PAX5: variants seen among roughly 807,000 people sequenced by gnomAD.
PAX5 encodes paired box protein Pax-5.
A neutral mutation model predicts 43.7 loss-of-function variants in PAX5; 9 were observed. That is an observed-to-expected ratio of 0.21 (90% CI 0.12 to 0.36). The LOEUF is 0.36. Ranked by LOEUF, PAX5 falls within the 10% of genes least tolerant of loss-of-function variation. The pLI is 1.00. For missense variants in PAX5, 383 were observed against 532.7 expected (o/e 0.72, Z 2.77); for synonymous variants, 228 against 214.3 (o/e 1.06, Z -0.56).
At chr9:36,873,888 A>T (rs566831275) in intron 8 of PAX5, among the ~76,000 whole-genome samples, 2 of 152,226 alleles carry the variant, frequency 1.3e-5, no homozygotes, top group East Asian at 3.8e-4. Flanking sequence ...GGAACTGGGC[A>T]GTATATATTT....
chr9:37,029,071 G>A (rs567022494), intron 1 of PAX5, among the ~76,000 whole-genome samples: 3 of 152,330 alleles, frequency 2.0e-5, no homozygotes, highest in East Asian at 1.9e-4. Flanking sequence ...CATGGGAGTG[G>A]TCCGAAGACT....
chr9:36,953,085 T>C (rs1410079773), intron 6 of PAX5, among the ~76,000 whole-genome samples: 1 of 152,200 alleles, frequency 6.6e-6, no homozygotes, highest in East Asian at 1.9e-4. Flanking sequence ...ATTTTTTCCT[T>C]CACTTTTGAA....
intron 7 of PAX5, among the ~76,000 whole-genome samples, chr9:36,884,673 C>T (rs991078874): frequency 2.6e-5 from 4 of 152,150 alleles, no homozygotes; most frequent in African/African-American, 9.7e-5. Flanking sequence ...GAGGAATAAG[C>T]ACTGGGGGGC....
At chr9:36,872,405 C>T (rs1825570718) in intron 8 of PAX5, among the ~76,000 whole-genome samples, 1 of 152,174 alleles carries the variant, frequency 6.6e-6, no homozygotes, top group African/African-American at 2.4e-5. Flanking sequence ...GACTTAGAAA[C>T]CTTGAATGGC....
intron 3 of PAX5, among the ~76,000 whole-genome samples, chr9:37,012,305 C>T (rs1215712698): frequency 1.3e-5 from 2 of 152,200 alleles, no homozygotes; most frequent in African/African-American, 4.8e-5. Flanking sequence ...ACTAGCCCTC[C>T]TTTTACCGTT....
chr9:36,928,665 T>G (rs10758417), intron 6 of PAX5, among the ~76,000 whole-genome samples: 81,116 of 151,882 alleles, frequency 0.53, 21,758 homozygotes, highest in East Asian at 0.74. Flanking sequence ...AACATCCCCT[T>G]CCCTCCTTCC....
intron 8 of PAX5, among the ~76,000 whole-genome samples, chr9:36,860,193 C>G (rs963737476): frequency 1.3e-5 from 2 of 151,894 alleles, no homozygotes; most frequent in African/African-American, 4.8e-5. Context: ...AAAAATTAGC[C>G]GGGCGTGGTG....
intron 8 of PAX5, among the ~76,000 whole-genome samples, chr9:36,862,840 A>G (rs964172008): frequency 6.6e-6 from 1 of 152,098 alleles, no homozygotes; most frequent in African/African-American, 2.4e-5. Flanking sequence ...GCTCCCACCT[A>G]CTCTCAGGGT....
intron 6 of PAX5, among the ~76,000 whole-genome samples, chr9:36,928,926 G>A (rs1830880399): frequency 6.6e-6 from 1 of 152,176 alleles, no homozygotes; most frequent in Non-Finnish European, 1.5e-5. Context: ...CCCCTGGTGA[G>A]TCATTAATCT....
chr9:36,915,324 T>C (rs1403892130), intron 7 of PAX5, among the ~76,000 whole-genome samples: 1 of 152,242 alleles, frequency 6.6e-6, no homozygotes, highest in Non-Finnish European at 1.5e-5. Context: ...ATGTATGCTC[T>C]TATAACAGTG....
intron 7 of PAX5, among the ~76,000 whole-genome samples, chr9:36,884,568 G>A (rs1177540502): frequency 6.6e-6 from 1 of 152,130 alleles, no homozygotes; most frequent in African/African-American, 2.4e-5. Flanking sequence ...TCCTGTTAAT[G>A]TCAAGAACAT....
intron 6 of PAX5, among the ~76,000 whole-genome samples, chr9:36,924,791 G>GAGAAGGAA (rs1403759916): frequency 1.8e-3 from 164 of 89,292 alleles, no homozygotes; most frequent in African/African-American, 4.1e-3. Context: ...AAAAGAGAAA[G>GAGAAGGAA]GGAGGGAGGG....
intron 6 of PAX5, among the ~76,000 whole-genome samples, chr9:36,940,896 G>T (rs1486040602): frequency 6.6e-6 from 1 of 152,174 alleles, no homozygotes. Context: ...AATGAGAGGA[G>T]AAGATTACGG....
chr9:36,899,340 G>A (rs556800539), intron 7 of PAX5, among the ~76,000 whole-genome samples: 1 of 152,340 alleles, frequency 6.6e-6, no homozygotes, highest in Non-Finnish European at 1.5e-5. Flanking sequence ...GAAGACACTA[G>A]ACCTAACCCT....
chr9:36,991,257 G>A (rs1405582208), intron 5 of PAX5, among the ~76,000 whole-genome samples: 2 of 152,136 alleles, frequency 1.3e-5, no homozygotes, highest in African/African-American at 4.8e-5. Flanking sequence ...CTCCACAGAT[G>A]TGAGAAGTGA....
chr9:36,877,825 G>T (rs748509277), intron 8 of PAX5, among the ~76,000 whole-genome samples: 2 of 152,220 alleles, frequency 1.3e-5, no homozygotes, highest in African/African-American at 2.4e-5. Context: ...AAGGAAAAAA[G>T]GGGTCTTTGC....
At chr9:36,981,185 G>GGGA (rs1554676937) in intron 5 of PAX5, among the ~76,000 whole-genome samples, 2 of 106,470 alleles carry the variant, frequency 1.9e-5, no homozygotes, top group Admixed American at 1.0e-4. Flanking sequence ...AAACAGCAAA[G>GGGA]CCCCCCCCCC....
At chr9:36,970,903 G>A (rs927063550) in intron 5 of PAX5, among the ~76,000 whole-genome samples, 2 of 152,132 alleles carry the variant, frequency 1.3e-5, no homozygotes, top group Non-Finnish European at 2.9e-5. Flanking sequence ...AGCTACCTTC[G>A]GGGTAAAGGT....
intron 5 of PAX5, among the ~76,000 whole-genome samples, chr9:36,972,468 T>C (rs1482085449): frequency 1.3e-5 from 2 of 152,182 alleles, no homozygotes; most frequent in African/African-American, 4.8e-5. Context: ...CACCTAGATT[T>C]TTGTGTGCTA....
Sources: allele counts gnomAD v4.1 joint callset (sites outside exome capture counted in the v4.1 genomes callset), GRCh38; gene constraint gnomAD v4.1.1; transcripts MANE v1.5; gene names NCBI Gene and HGNC (gene_info 2026-07-23, HGNC 2026-07-21).